The following RNF13 variants were observed in gnomAD, a reference collection of about 807,000 sequenced individuals.
The protein encoded by RNF13 is E3 ubiquitin-protein ligase RNF13.
In RNF13, 19 loss-of-function variants were observed where a neutral mutation model predicts 37.7. That is an observed-to-expected ratio of 0.50 (90% CI 0.35 to 0.74). The LOEUF is 0.74. Ranked by LOEUF, RNF13 falls within the 30% of genes least tolerant of loss-of-function variation. The pLI is 0.01. For synonymous variants in RNF13, 144 were observed against 157.8 expected (o/e 0.91, Z 0.65); for missense variants, 375 against 453.0 (o/e 0.83, Z 1.56).
chr3:149,846,822 A>G (rs1193192006), intron 2 of RNF13, among the ~76,000 whole-genome samples: 1 of 152,206 alleles, frequency 6.6e-6, no homozygotes, highest in East Asian at 1.9e-4. Flanking sequence ...ATTGATAATA[A>G]TATTTAAGAA....
At chr3:149,875,552 G>A (rs1391516246) in intron 4 of RNF13, among the ~76,000 whole-genome samples, 3 of 152,186 alleles carry the variant, frequency 2.0e-5, no homozygotes, top group Non-Finnish European at 2.9e-5. Flanking sequence ...CACGAAGGCA[G>A]CAGAAATGCA....
chr3:149,901,964 A>G, intron 5 of RNF13, 108 bp from the exon 6 acceptor site: 1 of 489,542 alleles, frequency 2.0e-6, no homozygotes. Flanking sequence ...ATAGACAATT[A>G]AAGTTGATTG....
At chr3:149,831,377 C>T (rs1207542964) in intron 1 of RNF13, among the ~76,000 whole-genome samples, 1 of 152,180 alleles carries the variant, frequency 6.6e-6, no homozygotes, top group African/African-American at 2.4e-5. Context: ...TGCGGGAGCC[C>T]ACCTCTTCCT....
intron 8 of RNF13, among the ~76,000 whole-genome samples, chr3:149,955,066 C>T (rs1721731701): frequency 6.6e-6 from 1 of 152,114 alleles, no homozygotes; most frequent in Non-Finnish European, 1.5e-5. Flanking sequence ...AGCCAGATCC[C>T]TGAAATATAA....
intron 4 of RNF13, among the ~76,000 whole-genome samples, chr3:149,876,579 G>A (rs1390722612): frequency 4.0e-5 from 6 of 151,832 alleles, no homozygotes; most frequent in Non-Finnish European, 8.8e-5. Flanking sequence ...CTCCCACCTC[G>A]TAAGAATTTA....
At chr3:149,939,250 C>T (rs1720009925) in intron 8 of RNF13, 2 of 488,698 alleles carry the variant, frequency 4.1e-6, no homozygotes, top group Non-Finnish European at 3.9e-6. Flanking sequence ...GATTTCCTCA[C>T]TGGTGCTTTT....
At chr3:149,941,276 C>T (rs1263327579) in intron 8 of RNF13, among the ~76,000 whole-genome samples, 1 of 152,078 alleles carries the variant, frequency 6.6e-6, no homozygotes, top group Non-Finnish European at 1.5e-5. Flanking sequence ...TATCTCCTTA[C>T]TGCTTGCTCT....
intron 7 of RNF13, among the ~76,000 whole-genome samples, chr3:149,917,966 T>A (rs1159466231): frequency 1.3e-5 from 2 of 152,180 alleles, no homozygotes. Flanking sequence ...ACCACAATCG[T>A]TAATAATTTT....
intron 3 of RNF13, among the ~76,000 whole-genome samples, chr3:149,860,270 A>AATATATATATAT (rs1186058605): frequency 5.8e-5 from 6 of 104,100 alleles, no homozygotes; most frequent in Admixed American, 1.0e-4. Context: ...AAAAAAAAAA[A>AATATATATATAT]ATATATATAT....
intron 5 of RNF13, among the ~76,000 whole-genome samples, chr3:149,901,095 T>C (rs138872777): frequency 6.6e-6 from 1 of 152,318 alleles, no homozygotes; most frequent in African/African-American, 2.4e-5. Context: ...GTGGTTATAA[T>C]TGTATGTATT....
Position 149,846,099 on chromosome 3 carries a change from G to C in RNF13, c.73G>C (p.Ala25Pro), listed in dbSNP as rs765830105. 5.0e-6 allele frequency: 8 copies of C among 1,613,138 alleles called. No homozygotes were observed. Among genetic ancestry groups the C allele is most frequent in the Middle Eastern group, 1.8e-4 (1 of 5,708 alleles). Residue 25 changes from alanine to proline, a missense_variant, in exon 2 of 10, where the codon GCA (alanine) becomes CCA (proline). Coordinates refer to ENST00000392894, the MANE Select transcript of RNF13 (RefSeq NM_183381.3). ...CACCATCTTGACTGTCCAGCTCTTT[G>C]CATTCTTAAACCTACTGCCTGTAGA... Reference protein sequence around the residue: ...VYTILTVQLFAFLNLLPVEAD... With the variant: ...VYTILTVQLFPFLNLLPVEAD...
chr3:149,824,679 A>G (rs1301931433), intron 1 of RNF13, among the ~76,000 whole-genome samples: 19 of 151,750 alleles, frequency 1.3e-4, no homozygotes, highest in Admixed American at 1.2e-3. Context: ...TTTTTTTTTA[A>G]AGATATACAC....
chr3:149,915,059 G>T (rs1449626364), intron 7 of RNF13, among the ~76,000 whole-genome samples: 2 of 152,054 alleles, frequency 1.3e-5, no homozygotes, highest in African/African-American at 4.8e-5. Context: ...ACATAAATCA[G>T]ATTTTTATTT....
chr3:149,930,418 C>G (rs1185605521), intron 8 of RNF13, among the ~76,000 whole-genome samples: 1 of 152,130 alleles, frequency 6.6e-6, no homozygotes. Flanking sequence ...AGTTGGGCAT[C>G]CCACTTGGTC....
At chr3:149,874,831 T>G (rs1712503998) in intron 4 of RNF13, among the ~76,000 whole-genome samples, 1 of 152,126 alleles carries the variant, frequency 6.6e-6, no homozygotes. Flanking sequence ...ACAACTGGAA[T>G]CGCACCCTAA....
chr3:149,832,923 A>G (rs965679969), intron 1 of RNF13, among the ~76,000 whole-genome samples: 8 of 152,138 alleles, frequency 5.3e-5, no homozygotes, highest in African/African-American at 1.9e-4. Context: ...AGATGGCTTC[A>G]TTGGTGAATT....
chr3:149,839,514 G>A (rs1004639840), intron 1 of RNF13, among the ~76,000 whole-genome samples: 20 of 149,616 alleles, frequency 1.3e-4, no homozygotes, highest in Non-Finnish European at 2.8e-4. Context: ...AGGCAAAGGA[G>A]AAGCAAAGGC....
chr3:149,815,500 A>G (rs979458670), intron 1 of RNF13, among the ~76,000 whole-genome samples: 10 of 152,218 alleles, frequency 6.6e-5, no homozygotes, highest in Non-Finnish European at 2.9e-5. Flanking sequence ...ACCATATGGC[A>G]TTGCATATGA....
At position 149,813,344 on chromosome 3, in the gene RNF13, G is replaced by C. The variant is rs562697328; in HGVS notation, c.-26G>C. 6.6e-6 allele frequency: 1 copy of C among 152,394 alleles called. No homozygotes were observed. The highest frequency in any genetic ancestry group is 2.1e-4 in the South Asian group (1 of 4,830). The allele number at this position is 152,394 out of a possible 1,614,324, so 9.4% of individuals were successfully genotyped here. A position where few individuals can be genotyped will look rare whatever the true frequency, so the allele number is the denominator to read the frequency against. On this transcript the variant is annotated 5_prime_UTR_variant, in exon 1 of 10. Coordinates refer to ENST00000392894, the MANE Select transcript of RNF13 (RefSeq NM_183381.3). ...CAAGACTGTTTGTGTTGCGGGGGCC[G>C]GACTTCAAGGTAAGACCCTGTCCGG...
Sources: allele counts gnomAD v4.1 joint callset (sites outside exome capture counted in the v4.1 genomes callset), GRCh38; gene constraint gnomAD v4.1.1; transcripts MANE v1.5; gene names NCBI Gene and HGNC (gene_info 2026-07-23, HGNC 2026-07-21).